PCDHGA4: variants seen among roughly 807,000 people sequenced by gnomAD.
PCDHGA4 encodes the protein protocadherin gamma-A4.
PCDHGA4 carries 38 observed loss-of-function variants against 54.6 expected under a neutral mutation model. That is an observed-to-expected ratio of 0.70 (90% CI 0.54 to 0.91). The LOEUF (loss-of-function observed/expected upper bound fraction) is 0.91. Ranked by LOEUF, PCDHGA4 falls within the 40% of genes least tolerant of loss-of-function variation. The pLI is 0.00. For synonymous variants in PCDHGA4, 511 were observed against 512.9 expected (o/e 1.00, Z 0.05); for missense variants, 1,298 against 1,220.9 (o/e 1.06, Z -0.94).
chr5:141,417,721 C>A, intron 1 of PCDHGA4: 2 of 1,330,572 alleles, frequency 1.5e-6, no homozygotes, highest in Non-Finnish European at 2.0e-6. Context: ...CCCGGCTGCG[C>A]AGACCTTGCC....
At chr5:141,358,396 T>C (rs1427310133) in intron 1 of PCDHGA4, among the ~76,000 whole-genome samples, 1 of 152,190 alleles carries the variant, frequency 6.6e-6, no homozygotes, top group Non-Finnish European at 1.5e-5. Flanking sequence ...TGCTTGAAGT[T>C]TACTTTTCCT....
At chr5:141,402,753 A>G (rs914241458) in intron 1 of PCDHGA4, among the ~76,000 whole-genome samples, 8 of 152,326 alleles carry the variant, frequency 5.3e-5, no homozygotes, top group Admixed American at 5.2e-4. Context: ...CTCTAAGCGA[A>G]AATCAGGACT....
rs368780365 is a variant in PCDHGA4, at chr5:141,357,165, G to C, written c.2058G>C (p.Ser686=). The C allele has an allele frequency of 6.2e-7, 1 of 1,613,556 alleles. No individual in the cohort carries two copies. Among genetic ancestry groups the C allele is most frequent in the Non-Finnish European group, 8.5e-7 (1 of 1,179,854 alleles). The part of the protein sequence containing the change: ...VVQDHGQPPL[S]ATVTLTVAVA... ...AGGACCATGGCCAGCCCCCTCTCTCGGCCACCGTCACACTCACTGTGGCTG... is the reference window on the plus strand; with the variant it reads ...AGGACCATGGCCAGCCCCCTCTCTCCGCCACCGTCACACTCACTGTGGCTG... Residue 686 remains serine (S), a synonymous_variant, in exon 1 of 4, where the codon TCG becomes TCC. Transcript: ENST00000571252.
chr5:141,393,981 T>G, intron 1 of PCDHGA4: 3 of 1,613,792 alleles, frequency 1.9e-6, no homozygotes, highest in Non-Finnish European at 2.5e-6. Flanking sequence ...ACGTGATAAT[T>G]TACCTTTTAA....
chr5:141,368,869 C>A (rs1351748629), intron 1 of PCDHGA4, among the ~76,000 whole-genome samples: 2 of 152,124 alleles, frequency 1.3e-5, no homozygotes, highest in Non-Finnish European at 2.9e-5. Context: ...TGTTTTGGAG[C>A]AAAGTCTTGA....
At position 141,410,013 on chromosome 5, in the gene PCDHGA4, T is replaced by A. The variant is rs770463619; in HGVS notation, c.2514+52392T>A. On this transcript the variant is annotated intron_variant, in intron 1 of 3. Coordinates refer to ENST00000571252, the MANE Select transcript of PCDHGA4 (RefSeq NM_018917.4). ...GCCGACTCGGGACACAACGCCTGGC[T>A]GTCCTACCACGTGCTGCAGGCCAGT... 1 of 1,613,296 alleles carries A rather than the reference T, an allele frequency of 6.2e-7. No individual in the cohort carries two copies. Among genetic ancestry groups the A allele is most frequent in the East Asian group, 2.2e-5 (1 of 44,870 alleles).
At chr5:141,361,782 C>T (rs1762181637) in intron 1 of PCDHGA4, 3 of 1,613,242 alleles carry the variant, frequency 1.9e-6, no homozygotes, top group Non-Finnish European at 2.5e-6. Flanking sequence ...TGAGCCTGCG[C>T]GTGTTAGTGG....
chr5:141,375,005 G>T, intron 1 of PCDHGA4: 2 of 1,614,010 alleles, frequency 1.2e-6, no homozygotes, highest in Non-Finnish European at 1.7e-6. Flanking sequence ...TGCAAATCTA[G>T]ACTATGAGGA....
chr5:141,387,244 C>T (rs1267995802), intron 1 of PCDHGA4, among the ~76,000 whole-genome samples: 2 of 152,024 alleles, frequency 1.3e-5, no homozygotes, highest in South Asian at 2.1e-4. Context: ...CTTGGAGGTA[C>T]TTAGAAAAGT....
Position 141,356,298 on chromosome 5 carries a change from T to G in PCDHGA4, c.1191T>G (p.Ile397Met). The G allele has an allele frequency of 6.4e-7, 1 of 1,554,986 alleles. No homozygotes were observed. Among genetic ancestry groups the G allele is most frequent in the Non-Finnish European group, 8.7e-7 (1 of 1,148,646 alleles). The stretch of plus-strand genomic sequence containing the variant: ...AATCTTCTTCCCCGGGTACAGTAAT[T>G]GCACTTTTCAACGTGCATGACAGTG... ...VQESSSPGTV[I>M]ALFNVHDSDS... is the part of the protein sequence containing the mutation. Residue 397 changes from isoleucine (I) to methionine (M), a missense_variant, in exon 1 of 4, where the codon ATT becomes ATG. Coordinates refer to ENST00000571252, the MANE Select transcript of PCDHGA4 (RefSeq NM_018917.4).
At chr5:141,362,139 G>T in intron 1 of PCDHGA4, 1 of 1,614,030 alleles carries the variant, frequency 6.2e-7, no homozygotes, top group Non-Finnish European at 8.5e-7. Context: ...CGGATAGCCT[G>T]CAAGAGGTAT....
At chr5:141,408,677 G>A (rs2095149334) in intron 1 of PCDHGA4, 1 of 1,613,898 alleles carries the variant, frequency 6.2e-7, no homozygotes. Flanking sequence ...CCCTGCCACG[G>A]ATCCTGATAT....
chr5:141,460,270 C>G (rs1223096441), intron 1 of PCDHGA4, among the ~76,000 whole-genome samples: 1 of 151,828 alleles, frequency 6.6e-6, no homozygotes, highest in Non-Finnish European at 1.5e-5. Context: ...TTTATTTTTT[C>G]TTTTATAGTT....
chr5:141,415,651 A>C, intron 1 of PCDHGA4: 1 of 1,595,106 alleles, frequency 6.3e-7, no homozygotes. Context: ...TAAAAAAAAA[A>C]AGATTGGTTT....
At chr5:141,390,444 G>A in intron 1 of PCDHGA4, 1 of 870,148 alleles carries the variant, frequency 1.1e-6, no homozygotes, top group South Asian at 1.8e-5. Context: ...TTCTACAAAG[G>A]AGGAGTAAAG....
chr5:141,494,781 C>T, intron 1 of PCDHGA4, 26 bp from the exon 2 acceptor site: 1 of 1,614,074 alleles, frequency 6.2e-7, no homozygotes, highest in African/African-American at 1.3e-5. Flanking sequence ...GGGTACTCAG[C>T]CCCTTTCCCT....
At chr5:141,357,792 C>T in intron 1 of PCDHGA4, 171 bp downstream of exon 1, 3 of 822,618 alleles carry the variant, frequency 3.6e-6, no homozygotes, top group Non-Finnish European at 5.6e-6. Context: ...GTATTTACCA[C>T]ACAAAAATGT....
rs749469652 is a variant in PCDHGA4, at chr5:141,371,514, CT to C, written c.2514+13894del. On this transcript the variant is annotated intron_variant, in intron 1 of 3. Transcript: ENST00000571252. The stretch of plus-strand genomic sequence containing the variant: ...CGTTGCCCTGATCAAAACACATGAT[CT>C]AGATTCTGGATTTAATGGAGAAATC... The C allele has an allele frequency of 1.9e-6, 3 of 1,613,792 alleles. No homozygotes were observed. The South Asian group carries it at 3.3e-5, about 18-fold the overall frequency.
At chr5:141,430,641 T>C (rs1332550435) in intron 1 of PCDHGA4, 2 of 902,672 alleles carry the variant, frequency 2.2e-6, no homozygotes, top group East Asian at 5.4e-5. Flanking sequence ...TCCCTGGGAG[T>C]ATGTGGAAAC....
Sources: gnomAD v4.1 joint callset for allele counts (sites outside exome capture counted in the v4.1 genomes callset) on GRCh38, gnomAD v4.1.1 for gene constraint, MANE v1.5 for transcripts, NCBI Gene and HGNC (gene_info 2026-07-23, HGNC 2026-07-21) for gene names.